Variants in ZBTB7C observed in about 807,000 individuals in gnomAD.
ZBTB7C encodes zinc finger and BTB domain-containing protein 7C.
Under a neutral mutation model 25.7 loss-of-function variants are expected in ZBTB7C, and 8 were observed. The observed-to-expected ratio is 0.31, with a 90% confidence interval of 0.18 to 0.56. The LOEUF (loss-of-function observed/expected upper bound fraction) is 0.56. ZBTB7C is among the 20% of genes least tolerant of loss of function. ZBTB7C has a pLI of 0.91. For missense variants in ZBTB7C, 824 were observed against 855.2 expected (o/e 0.96, Z 0.46); for synonymous variants, 394 against 369.0 (o/e 1.07, Z -0.78).
chr18:48,254,235 GC>G (rs1261417710), intron 2 of ZBTB7C, among the ~76,000 whole-genome samples: 3 of 152,236 alleles, frequency 2.0e-5, no homozygotes, highest in Non-Finnish European at 4.4e-5. Flanking sequence ...ATGGGTGAAT[GC>G]CGGCAGCAAA....
chr18:48,037,718 G>A (rs1372588936), intron 4 of ZBTB7C, among the ~76,000 whole-genome samples: 1 of 152,172 alleles, frequency 6.6e-6, no homozygotes, highest in Admixed American at 6.5e-5. Context: ...CACCAGCCTC[G>A]GTCTCCCCTG....
chr18:48,175,153 G>T (rs2145054589), intron 3 of ZBTB7C, among the ~76,000 whole-genome samples: 1 of 152,144 alleles, frequency 6.6e-6, no homozygotes, highest in African/African-American at 2.4e-5. Context: ...GAAAAAAAAG[G>T]AACCTAACTG....
At chr18:48,402,221 G>A (rs554548859) in intron 1 of ZBTB7C, among the ~76,000 whole-genome samples, 1 of 151,170 alleles carries the variant, frequency 6.6e-6, no homozygotes, top group Non-Finnish European at 1.5e-5. Context: ...CCAGTGATGT[G>A]GGTTCATATT....
chr18:48,352,004 T>C (rs1250893904), intron 1 of ZBTB7C, among the ~76,000 whole-genome samples: 1 of 152,082 alleles, frequency 6.6e-6, no homozygotes, highest in African/African-American at 2.4e-5. Flanking sequence ...CTCACCTCCA[T>C]TTAGCCTTGG....
intron 2 of ZBTB7C, among the ~76,000 whole-genome samples, chr18:48,257,294 C>T (rs2044047546): frequency 6.6e-6 from 1 of 151,924 alleles, no homozygotes; most frequent in African/African-American, 2.4e-5. Context: ...AGGAGGAGGA[C>T]ATAACAATTG....
intron 2 of ZBTB7C, among the ~76,000 whole-genome samples, chr18:48,335,106 G>A (rs1225672919): frequency 1.3e-5 from 2 of 152,240 alleles, no homozygotes; most frequent in Admixed American, 1.3e-4. Context: ...GTCACCACCA[G>A]GGGCTAAGGC....
intron 2 of ZBTB7C, among the ~76,000 whole-genome samples, chr18:48,317,546 C>T (rs17751181): frequency 0.13 from 20,063 of 152,146 alleles, 1,565 homozygotes; most frequent in Non-Finnish European, 0.19. Flanking sequence ...GATGCCAGGT[C>T]GAGAGCTTGT....
At chr18:48,261,648 A>G (rs558873762) in intron 2 of ZBTB7C, among the ~76,000 whole-genome samples, 4 of 151,986 alleles carry the variant, frequency 2.6e-5, no homozygotes, top group African/African-American at 9.6e-5. Flanking sequence ...GAGTCACTCC[A>G]TGCATCACAG....
intron 2 of ZBTB7C, among the ~76,000 whole-genome samples, chr18:48,299,359 A>C (rs1296890273): frequency 6.6e-6 from 1 of 152,218 alleles, no homozygotes; most frequent in Non-Finnish European, 1.5e-5. Context: ...CATTCTGTGG[A>C]TTCTTCATAC....
At chr18:48,254,787 C>T (rs2043976498) in intron 2 of ZBTB7C, among the ~76,000 whole-genome samples, 1 of 152,160 alleles carries the variant, frequency 6.6e-6, no homozygotes, top group Non-Finnish European at 1.5e-5. Flanking sequence ...GGTTTCCTCC[C>T]ATCTCCTCAT....
chr18:48,353,630 C>T (rs2046912030), intron 1 of ZBTB7C, among the ~76,000 whole-genome samples: 1 of 152,162 alleles, frequency 6.6e-6, no homozygotes, highest in Non-Finnish European at 1.5e-5. Flanking sequence ...TGACCCTGAT[C>T]TAAGCATTTC....
chr18:48,355,844 G>A (rs527443269), intron 1 of ZBTB7C, among the ~76,000 whole-genome samples: 1 of 152,200 alleles, frequency 6.6e-6, no homozygotes, highest in African/African-American at 2.4e-5. Flanking sequence ...CTGAGTGGGT[G>A]GGGGTAGGTC....
intron 2 of ZBTB7C, among the ~76,000 whole-genome samples, chr18:48,198,087 T>C (rs745593501): frequency 6.6e-6 from 1 of 152,242 alleles, no homozygotes; most frequent in Non-Finnish European, 1.5e-5. Flanking sequence ...CATAACGTTG[T>C]ACTTTTTCCT....
At chr18:48,346,621 A>T (rs917991969) in intron 1 of ZBTB7C, 3 of 152,286 alleles carry the variant, frequency 2.0e-5, no homozygotes, top group Non-Finnish European at 4.4e-5. Context: ...CTGGGTAAGC[A>T]GAGTGTCACT....
intron 2 of ZBTB7C, among the ~76,000 whole-genome samples, chr18:48,265,119 A>G (rs1470626185): frequency 6.6e-6 from 1 of 152,126 alleles, no homozygotes; most frequent in African/African-American, 2.4e-5. Context: ...CTTGATATCT[A>G]ATTACCTGGC....
At chr18:48,103,088 CTT>C (rs1491564000) in intron 3 of ZBTB7C, among the ~76,000 whole-genome samples, 5 of 121,532 alleles carry the variant, frequency 4.1e-5, no homozygotes, top group Non-Finnish European at 8.2e-5. Flanking sequence ...TTATATATAT[CTT>C]ATATATATTA....
At chr18:48,170,839 C>A in intron 3 of ZBTB7C, among the ~76,000 whole-genome samples, 1 of 152,254 alleles carries the variant, frequency 6.6e-6, no homozygotes, top group Middle Eastern at 3.4e-3. Flanking sequence ...GAGAACCCCC[C>A]GCCCCTGTAC....
intron 1 of ZBTB7C, among the ~76,000 whole-genome samples, chr18:48,342,236 C>G (rs950226847): frequency 6.6e-6 from 1 of 152,222 alleles, no homozygotes; most frequent in Non-Finnish European, 1.5e-5. Context: ...GGGCTGCTGC[C>G]CACTCAGAAG....
intron 3 of ZBTB7C, among the ~76,000 whole-genome samples, chr18:48,058,097 C>T (rs1004310803): frequency 2.6e-5 from 4 of 152,180 alleles, no homozygotes; most frequent in African/African-American, 9.7e-5. Context: ...GTGTCAGCAC[C>T]ATCTGAGCTT....
Sources: allele counts gnomAD v4.1 joint callset (sites outside exome capture counted in the v4.1 genomes callset), GRCh38; gene constraint gnomAD v4.1.1; transcripts MANE v1.5; gene names NCBI Gene and HGNC (gene_info 2026-07-23, HGNC 2026-07-21).